NSMCE2: variants seen among roughly 807,000 people sequenced by gnomAD.
NSMCE2 encodes NSE2 SUMO ligase component of SMC5/6 complex, also known as E3 SUMO-protein ligase NSE2.
Under a neutral mutation model 23.8 loss-of-function variants are expected in NSMCE2, and 24 were observed. The observed-to-expected ratio is 1.01, with a 90% CI of 0.73 to 1.42. The LOEUF is 1.42. Ranked by LOEUF, NSMCE2 falls within the 40% of genes most tolerant of loss-of-function variation. The pLI, the probability that NSMCE2 is intolerant of heterozygous loss-of-function variation, is 0.00. For missense variants in NSMCE2, 284 were observed against 296.5 expected, an observed-to-expected ratio of 0.96 and a Z score of 0.31; for synonymous variants, 92 against 94.1, an observed-to-expected ratio of 0.98 and a Z score of 0.13.
chr8:125,339,335 C>G (rs1830161604), intron 5 of NSMCE2, among the ~76,000 whole-genome samples: 1 of 152,032 alleles, frequency 6.6e-6, no homozygotes, highest in Non-Finnish European at 1.5e-5. Flanking sequence ...CACTGTCTGC[C>G]CCAACACTAG....
At chr8:125,297,470 T>C (rs1828375130) in intron 5 of NSMCE2, among the ~76,000 whole-genome samples, 1 of 152,204 alleles carries the variant, frequency 6.6e-6, no homozygotes, top group Admixed American at 6.5e-5. Flanking sequence ...TTCAGCCAAA[T>C]GTTGTCTTCT....
chr8:125,127,963 T>A (rs1417340821), intron 3 of NSMCE2, among the ~76,000 whole-genome samples: 1 of 152,210 alleles, frequency 6.6e-6, no homozygotes, highest in Non-Finnish European at 1.5e-5. Context: ...TTTCCACTTG[T>A]GGTGTCATGT....
intron 5 of NSMCE2, among the ~76,000 whole-genome samples, chr8:125,187,391 A>G (rs983317569): frequency 1.3e-5 from 2 of 152,242 alleles, no homozygotes; most frequent in African/African-American, 4.8e-5. Context: ...AAATGAAACA[A>G]TATGATTCGG....
At chr8:125,111,847 A>G (rs1218802087) in intron 3 of NSMCE2, among the ~76,000 whole-genome samples, 2 of 152,222 alleles carry the variant, frequency 1.3e-5, no homozygotes, top group African/African-American at 4.8e-5. Flanking sequence ...GGATATGTCA[A>G]TACAACTGAC....
At chr8:125,189,654 C>T (rs1311806705) in intron 5 of NSMCE2, among the ~76,000 whole-genome samples, 2 of 152,192 alleles carry the variant, frequency 1.3e-5, no homozygotes, top group East Asian at 3.8e-4. Context: ...CCTCTCAATA[C>T]ATCATCAGTA....
chr8:125,230,871 A>C (rs1825294470), intron 5 of NSMCE2, among the ~76,000 whole-genome samples: 1 of 152,196 alleles, frequency 6.6e-6, no homozygotes, highest in African/African-American at 2.4e-5. Context: ...GCAGCATGAG[A>C]TACTAGTACA....
At chr8:125,261,836 T>C (rs1025589391) in intron 5 of NSMCE2, among the ~76,000 whole-genome samples, 2 of 151,666 alleles carry the variant, frequency 1.3e-5, no homozygotes, top group South Asian at 2.1e-4. Flanking sequence ...GTGGCTCACG[T>C]CTGTAATCCC....
At chr8:125,161,296 C>A (rs866831468) in intron 4 of NSMCE2, among the ~76,000 whole-genome samples, 2 of 151,294 alleles carry the variant, frequency 1.3e-5, no homozygotes, top group Non-Finnish European at 2.9e-5. Flanking sequence ...TCTGGACTTC[C>A]TTTTTTAAAA....
chr8:125,332,612 A>C (rs1829920524), intron 5 of NSMCE2, among the ~76,000 whole-genome samples: 1 of 152,220 alleles, frequency 6.6e-6, no homozygotes, highest in South Asian at 2.1e-4. Context: ...TTTTCATTGA[A>C]TATTTAAGCT....
At chr8:125,272,190 AT>A (rs1301929966) in intron 5 of NSMCE2, among the ~76,000 whole-genome samples, 14 of 150,900 alleles carry the variant, frequency 9.3e-5, no homozygotes, top group Non-Finnish European at 1.5e-5. Context: ...ATTTTTTTGT[AT>A]TTTTAGTAGA....
chr8:125,299,345 G>A (rs1204385118), intron 5 of NSMCE2, among the ~76,000 whole-genome samples: 1 of 152,120 alleles, frequency 6.6e-6, no homozygotes, highest in Non-Finnish European at 1.5e-5. Context: ...ACTGAGACTG[G>A]GTAATTTATA....
chr8:125,349,154 G>A (rs79358795), intron 5 of NSMCE2, among the ~76,000 whole-genome samples: 8 of 151,952 alleles, frequency 5.3e-5, no homozygotes, highest in Non-Finnish European at 7.4e-5. Context: ...CACAGGTGGG[G>A]TTACTGGTAG....
At chr8:125,213,492 C>T (rs1178456937) in intron 5 of NSMCE2, among the ~76,000 whole-genome samples, 1 of 28,936 alleles carries the variant, frequency 3.5e-5, no homozygotes, top group Non-Finnish European at 6.5e-5. Context: ...CATGTCTCCT[C>T]TCCTCTCCTC....
chr8:125,364,602 A>C (rs1813703872), intron 7 of NSMCE2, among the ~76,000 whole-genome samples: 1 of 152,228 alleles, frequency 6.6e-6, no homozygotes, highest in African/African-American at 2.4e-5. Context: ...TCCCTAGAAG[A>C]GTCAATTAAT....
rs752038710 is a variant in NSMCE2, at chr8:125,340,012, G to GTTTTTTTTTTTTT, written c.419-17199_419-17187dup. On this transcript the variant is annotated intron_variant, in intron 5 of 7. Coordinates refer to ENST00000287437, the MANE Select transcript of NSMCE2 (RefSeq NM_173685.4). The stretch of plus-strand genomic sequence containing the variant: ...GCCTCCGACGTTGTAGTTTTTTTTT[G>GTTTTTTTTTTTTT]TTTTTTTTTTTTTTTTTTTTGAGAC... Among the ~76,000 whole-genome samples, 94 of 102,844 alleles carry GTTTTTTTTTTTTT rather than the reference G, an allele frequency of 9.1e-4. 2 individuals are homozygous for GTTTTTTTTTTTTT. The highest frequency in any genetic ancestry group is 2.1e-3 in the East Asian group (7 of 3,284). 67.5% of individuals were successfully genotyped at this position (102,844 alleles called of 152,430 possible). A position where few individuals can be genotyped will look rare whatever the true frequency, so the allele number is the denominator to read the frequency against.
At chr8:125,121,791 G>A (rs1819275479) in intron 3 of NSMCE2, among the ~76,000 whole-genome samples, 3 of 152,146 alleles carry the variant, frequency 2.0e-5, no homozygotes. Context: ...TGTCAGGTAG[G>A]TAGGTATCAT....
At chr8:125,125,131 GTTTTAT>G (rs1819451451) in intron 3 of NSMCE2, among the ~76,000 whole-genome samples, 1 of 151,804 alleles carries the variant, frequency 6.6e-6, no homozygotes. Flanking sequence ...AATGGAGATA[GTTTTAT>G]TTTTTCCTTT....
intron 5 of NSMCE2, among the ~76,000 whole-genome samples, chr8:125,282,784 T>C (rs1462157935): frequency 6.6e-6 from 1 of 152,248 alleles, no homozygotes; most frequent in Non-Finnish European, 1.5e-5. Flanking sequence ...GCAAGAGCAG[T>C]GTTCCCTGAC....
chr8:125,200,982 C>T (rs901894529), intron 5 of NSMCE2, among the ~76,000 whole-genome samples: 2 of 152,190 alleles, frequency 1.3e-5, no homozygotes, highest in African/African-American at 2.4e-5. Context: ...CTTGTGCATG[C>T]ATCACGAAGT....
Sources: gnomAD v4.1 joint callset for allele counts (sites outside exome capture counted in the v4.1 genomes callset) on GRCh38, gnomAD v4.1.1 for gene constraint, MANE v1.5 for transcripts, NCBI Gene and HGNC (gene_info 2026-07-23, HGNC 2026-07-21) for gene names.